TTC33: variants seen among roughly 807,000 people sequenced by gnomAD.
TTC33 encodes tetratricopeptide repeat domain 33.
TTC33 carries 24 observed loss-of-function variants against 29.4 expected under a neutral mutation model. The observed-to-expected ratio is 0.82, with a 90% confidence interval of 0.59 to 1.15. The LOEUF is 1.15. Among genes scored for constraint, TTC33 ranks in the 50% most tolerant of loss-of-function variants. The probability of loss-of-function intolerance (pLI) is 0.00; values close to 1 mark genes in which losing one functional copy is unlikely to be tolerated. For synonymous variants in TTC33, 107 were observed against 100.3 expected (o/e 1.07, Z -0.40); for missense variants, 286 against 310.4 (o/e 0.92, Z 0.59).
intron 4 of TTC33, among the ~76,000 whole-genome samples, chr5:40,725,083 G>A (rs190116663): frequency 8.2e-4 from 124 of 151,934 alleles, no homozygotes; most frequent in African/African-American, 2.5e-3. Flanking sequence ...CCTGACCTCA[G>A]GTGATCAACC....
chr5:40,751,271 T>C (rs1742890121), intron 1 of TTC33, among the ~76,000 whole-genome samples: 2 of 152,210 alleles, frequency 1.3e-5, no homozygotes, highest in Non-Finnish European at 1.5e-5. Flanking sequence ...GAAAACAACA[T>C]TAATCTTGTA....
chr5:40,749,926 A>G (rs1009681175), intron 1 of TTC33, among the ~76,000 whole-genome samples: 2 of 152,052 alleles, frequency 1.3e-5, no homozygotes, highest in Admixed American at 1.3e-4. Context: ...CGTCTCTACT[A>G]AAAATACAAA....
Position 40,716,480 on chromosome 5 carries a change from C to T in TTC33, c.454G>A (p.Val152Ile), listed in dbSNP as rs758585547. The T allele has an allele frequency of 6.3e-7, 1 of 1,588,154 alleles. No individual in the cohort carries two copies. The highest frequency in any genetic ancestry group is 2.2e-5 in the East Asian group (1 of 44,634). The change falls in exon 5 of 5, where the codon GTA (valine) becomes ATA (isoleucine). Residue 152 changes from valine to isoleucine, a missense_variant. By Grantham distance (29) the Val-to-Ile change is conservative. Coordinates refer to ENST00000337702, the MANE Select transcript of TTC33 (RefSeq NM_012382.3). Reference sequence around the variant, plus strand: ...TTCATTGGATAGATGTGAAGGGCTACTTGAAAACTTCGAATTGCCTAGAAA... The same window carrying T: ...TTCATTGGATAGATGTGAAGGGCTATTTGAAAACTTCGAATTGCCTAGAAA... ...EIILAIRSFQ[V>I]ALHIYPMNPE... is the part of the protein sequence containing the mutation.
At chr5:40,720,755 A>C (rs1039704017) in intron 4 of TTC33, among the ~76,000 whole-genome samples, 3 of 152,168 alleles carry the variant, frequency 2.0e-5, no homozygotes, top group Non-Finnish European at 2.9e-5. Context: ...ACACTCATCA[A>C]AGCCAGAAGG....
intron 4 of TTC33, among the ~76,000 whole-genome samples, chr5:40,724,899 C>T (rs1229926689): frequency 2.0e-5 from 3 of 147,440 alleles, no homozygotes; most frequent in Non-Finnish European, 4.5e-5. Context: ...GTCACTCATG[C>T]TGGAGTGCAG....
Position 40,730,251 on chromosome 5 carries a change from A to G in TTC33, c.303+11T>C, listed in dbSNP as rs763885705. 1.3e-6 allele frequency: 2 copies of G among 1,588,760 alleles called. No homozygotes were observed. The highest frequency in any genetic ancestry group is 1.7e-5 in the Admixed American group (1 of 59,046). On this transcript the variant is annotated intron_variant, in intron 3 of 4. Coordinates refer to ENST00000337702, the MANE Select transcript of TTC33 (RefSeq NM_012382.3). ...TTTCATAAGGAAAGTGAAATTCTTC[A>G]TAATTATTACCTGTGATTTCATCTC...
chr5:40,745,375 T>C (rs1329120868), intron 2 of TTC33, among the ~76,000 whole-genome samples: 7 of 152,156 alleles, frequency 4.6e-5, no homozygotes, highest in African/African-American at 1.2e-4. Flanking sequence ...TGTCTGAAAC[T>C]TACTTTCAAA....
At chr5:40,752,664 G>A (rs149445437) in intron 1 of TTC33, among the ~76,000 whole-genome samples, 4 of 152,162 alleles carry the variant, frequency 2.6e-5, no homozygotes, top group African/African-American at 9.7e-5. Flanking sequence ...AACCCAAAAT[G>A]ATTACAATTG....
chr5:40,749,097 T>C (rs558985081), intron 1 of TTC33, among the ~76,000 whole-genome samples: 40 of 152,138 alleles, frequency 2.6e-4, no homozygotes, highest in African/African-American at 9.2e-4. Context: ...CAAAACTCCA[T>C]CTCAAAAAAT....
At chr5:40,752,510 G>A (rs1022145096) in intron 1 of TTC33, among the ~76,000 whole-genome samples, 16 of 152,154 alleles carry the variant, frequency 1.1e-4, no homozygotes, top group African/African-American at 3.6e-4. Flanking sequence ...GGATTAACTG[G>A]CCTAATTTCA....
chr5:40,729,993 C>T (rs1742385446), intron 3 of TTC33, among the ~76,000 whole-genome samples: 1 of 152,208 alleles, frequency 6.6e-6, no homozygotes, highest in Non-Finnish European at 1.5e-5. Flanking sequence ...GCCATGGCAC[C>T]TGCCCACCAG....
Position 40,713,997 on chromosome 5 carries a change from C to T in TTC33, c.*2148G>A, listed in dbSNP as rs1424543079. ...TCCATAACTTACTGTTTCTTTTTCT[C>T]CTCTGTCTTATGTCTAAACTATTTT... On this transcript the variant is annotated 3_prime_UTR_variant, in exon 5 of 5. Transcript: ENST00000337702. 1.3e-5 allele frequency among the ~76,000 whole-genome samples: 2 copies of T among 152,144 alleles called. No homozygotes were observed. Among genetic ancestry groups the T allele is most frequent in the Non-Finnish European group, 2.9e-5 (2 of 68,014 alleles).
chr5:40,714,932 T>C lies in TTC33; in HGVS notation c.*1213A>G, dbSNP rs1439659096. 4 of 152,166 alleles carry C rather than the reference T, an allele frequency of 2.6e-5. No homozygotes were observed. Among genetic ancestry groups the C allele is most frequent in the African/African-American group, 7.2e-5 (3 of 41,456 alleles). The allele number at this position is 152,166 out of a possible 1,614,324, so 9.4% of individuals were successfully genotyped here. On this transcript the variant is annotated 3_prime_UTR_variant, in exon 5 of 5. Coordinates refer to ENST00000337702, the MANE Select transcript of TTC33 (RefSeq NM_012382.3). ...AGTAACAGAACCCAACAGTTCTATA[T>C]TATTGTACTACAATATATAGTATAA...
chr5:40,742,161 T>C (rs1742708403), intron 2 of TTC33, among the ~76,000 whole-genome samples: 1 of 152,150 alleles, frequency 6.6e-6, no homozygotes, highest in South Asian at 2.1e-4. Flanking sequence ...GGTCTAGTTC[T>C]AGAAACTCTC....
At position 40,730,303 on chromosome 5, in the gene TTC33, A is replaced by G. The variant is rs1328566588; in HGVS notation, c.262T>C (p.Leu88=). 1.9e-6 allele frequency: 3 copies of G among 1,612,296 alleles called. No individual in the cohort carries two copies. In the Admixed American group the frequency reaches 5.0e-5, roughly 27 times the overall value. ...AIQKWDEALQ[L]TPNDATLYEM... ...TATAGGGTAGCATCATTTGGAGTTA[A>G]CTGTAGTGCTTCATCCCACTTCTGA... The change falls in exon 3 of 5, where the codon TTA becomes CTA. Residue 88 remains leucine, a synonymous_variant. Coordinates refer to ENST00000337702, the MANE Select transcript of TTC33 (RefSeq NM_012382.3).
rs777592627 is a variant in TTC33 at position 40,747,004 on chromosome 5, C to A, written c.15G>T (p.Gly5=). The A allele has an allele frequency of 6.2e-6, 10 of 1,611,020 alleles. No individual in the cohort carries two copies. Among genetic ancestry groups the A allele is most frequent in the South Asian group, 3.3e-5 (3 of 90,086 alleles). MASF[G]WKRKIGEKVS... is the part of the protein sequence containing the mutation. ...CCTTCTCACCAATTTTCCTCTTCCA[C>A]CCAAAGGAAGCCATTCTGGAAAATT... Residue 5 remains glycine, a synonymous_variant, in exon 2 of 5, where the codon GGG becomes GGT. Coordinates refer to ENST00000337702, the MANE Select transcript of TTC33 (RefSeq NM_012382.3).
At chr5:40,730,427 T>C (rs1742400796) in intron 2 of TTC33, 84 bp from the exon 3 acceptor site, 20 of 1,066,968 alleles carry the variant, frequency 1.9e-5, no homozygotes, top group Non-Finnish European at 2.9e-5. Context: ...TGTAGTAAAA[T>C]ATAAAATTTA....
chr5:40,731,384 G>T (rs1742424061), intron 2 of TTC33, among the ~76,000 whole-genome samples: 1 of 151,448 alleles, frequency 6.6e-6, no homozygotes, highest in Non-Finnish European at 1.5e-5. Flanking sequence ...ACACACATCT[G>T]TATTAGTTCA....
At chr5:40,727,201 T>C (rs534178715) in intron 4 of TTC33, among the ~76,000 whole-genome samples, 1 of 152,354 alleles carries the variant, frequency 6.6e-6, no homozygotes, top group South Asian at 2.1e-4. Flanking sequence ...AGTAAGTTTA[T>C]ATTTTGAATT....
Sources: gnomAD v4.1 joint callset for allele counts (sites outside exome capture counted in the v4.1 genomes callset) on GRCh38, gnomAD v4.1.1 for gene constraint, MANE v1.5 for transcripts, NCBI Gene and HGNC (gene_info 2026-07-23, HGNC 2026-07-21) for gene names.